MIPOL1: variants seen among roughly 807,000 people sequenced by gnomAD.
MIPOL1 encodes mirror-image polydactyly gene 1 protein.
In MIPOL1, 57 loss-of-function variants were observed where a neutral mutation model predicts 60.9. The observed-to-expected ratio is 0.94, with a 90% CI of 0.76 to 1.17. The LOEUF (loss-of-function observed/expected upper bound fraction) is 1.17. MIPOL1 is among the 50% of genes most tolerant of loss of function. The pLI is 0.00. For missense variants in MIPOL1, 551 were observed against 511.6 expected, an observed-to-expected ratio of 1.08 and a Z score of -0.74; for synonymous variants, 179 against 168.8, an observed-to-expected ratio of 1.06 and a Z score of -0.47.
Position 37,364,187 on chromosome 14 carries a change from G to T in MIPOL1, c.829-5330G>T, listed in dbSNP as rs1290738397. ...ATGAGATGAACTGGGTACTTTAGTT[G>T]GAAATGCAGAAATCACCAGTCTTCT... On this transcript the variant is annotated intron_variant, in intron 9 of 12. Transcript: ENST00000684589. Among the ~76,000 whole-genome samples, 7 of 152,340 alleles carry T rather than the reference G, an allele frequency of 4.6e-5. No individual in the cohort carries two copies. The East Asian group carries it at 1.4e-3, about 29-fold the overall frequency.
chr14:37,265,971 T>C (rs2082844358), intron 3 of MIPOL1, among the ~76,000 whole-genome samples: 1 of 152,162 alleles, frequency 6.6e-6, no homozygotes, highest in Non-Finnish European at 1.5e-5. Flanking sequence ...TATGGGTTCT[T>C]TAAAAATATT....
rs75731375 is a variant in MIPOL1 at position 37,236,742 on chromosome 14, A to G, written c.-198-10361A>G. ...TGTGAGCTACCACGCCTGGCCTCCA[A>G]ATTATTTGTGCACTCTGTTCCTTGT... is the stretch of plus-strand genomic sequence containing the variant. On this transcript the variant is annotated intron_variant, in intron 1 of 12. Transcript: ENST00000684589. 5.5e-3 allele frequency among the ~76,000 whole-genome samples: 843 copies of G among 152,062 alleles called. 9 individuals carry two copies. Among genetic ancestry groups the G allele is most frequent in the African/African-American group, 0.02 (820 of 41,482 alleles).
intron 3 of MIPOL1, among the ~76,000 whole-genome samples, chr14:37,258,243 A>T (rs1048909409): frequency 6.6e-6 from 1 of 152,090 alleles, no homozygotes; most frequent in Non-Finnish European, 1.5e-5. Flanking sequence ...TTTCCTCTTT[A>T]TTATTGGAAA....
intron 11 of MIPOL1, among the ~76,000 whole-genome samples, chr14:37,459,456 A>G (rs2094514557): frequency 6.6e-6 from 1 of 152,194 alleles, no homozygotes; most frequent in Non-Finnish European, 1.5e-5. Flanking sequence ...ACCTCCCCAG[A>G]TTGAACCACG....
At chr14:37,426,572 T>TATACATATATACATATAC (rs1555339858) in intron 11 of MIPOL1, among the ~76,000 whole-genome samples, 36 of 73,836 alleles carry the variant, frequency 4.9e-4, no homozygotes, top group African/African-American at 1.4e-3. Context: ...AAAATATACA[T>TATACATATATACATATAC]ATATATATAT....
chr14:37,336,988 C>G (rs1429155789), intron 9 of MIPOL1, among the ~76,000 whole-genome samples: 1 of 151,910 alleles, frequency 6.6e-6, no homozygotes, highest in East Asian at 1.9e-4. Context: ...GTATTAAACT[C>G]CTGACCTCAA....
chr14:37,527,781 A>G (rs2095456790), intron 12 of MIPOL1, among the ~76,000 whole-genome samples: 1 of 152,106 alleles, frequency 6.6e-6, no homozygotes, highest in East Asian at 1.9e-4. Flanking sequence ...ATCTTTGTAT[A>G]CCACATGTCC....
At chr14:37,435,576 A>G (rs944738876) in intron 11 of MIPOL1, among the ~76,000 whole-genome samples, 1 of 151,986 alleles carries the variant, frequency 6.6e-6, no homozygotes, top group Non-Finnish European at 1.5e-5. Context: ...TCTGATGCTC[A>G]ATAAGTGTTT....
At chr14:37,474,332 A>G (rs772164502) in intron 11 of MIPOL1, among the ~76,000 whole-genome samples, 2 of 152,162 alleles carry the variant, frequency 1.3e-5, no homozygotes, top group African/African-American at 2.4e-5. Flanking sequence ...CCCCACCCAA[A>G]TCTCATCCAG....
At chr14:37,445,258 C>A (rs1284973001) in intron 11 of MIPOL1, among the ~76,000 whole-genome samples, 4 of 152,242 alleles carry the variant, frequency 2.6e-5, no homozygotes. Context: ...GTACAAAAAT[C>A]ACAAGCATTC....
intron 7 of MIPOL1, among the ~76,000 whole-genome samples, chr14:37,302,065 C>A: frequency 7.3e-6 from 1 of 137,106 alleles, no homozygotes. Flanking sequence ...TCTAAGTATT[C>A]ACATACAGGT....
chr14:37,397,415 G>A (rs1324272813), intron 10 of MIPOL1, among the ~76,000 whole-genome samples: 1 of 152,126 alleles, frequency 6.6e-6, no homozygotes, highest in East Asian at 1.9e-4. Context: ...AATGGACTCT[G>A]TGAGGGTTTT....
rs5807951 is a variant in MIPOL1 at position 37,407,842 on chromosome 14, C to CTTTTTTTTTTTTTTTTTTTTTTTTT, written c.937-15011_937-15010insTTTTTTTTTTTTTTTTTTTTTTTTT. ...ATTTTTTCTTTTCTTTCTTCTTCTTCTTCTTTTTTTTTTTTTTTTTTTTTG... is the reference window on the plus strand; with the variant it reads ...ATTTTTTCTTTTCTTTCTTCTTCTTCTTTTTTTTTTTTTTTTTTTTTTTTTTTCTTTTTTTTTTTTTTTTTTTTTG... On this transcript the variant is annotated intron_variant, in intron 10 of 12. Transcript: ENST00000684589. Among the ~76,000 whole-genome samples, 8 of 58,054 alleles carry CTTTTTTTTTTTTTTTTTTTTTTTTT rather than the reference C, an allele frequency of 1.4e-4. 1 individual carries two copies. The highest frequency in any genetic ancestry group is 2.1e-4 in the Non-Finnish European group (7 of 32,894). 38.1% of individuals were successfully genotyped at this position (58,054 alleles called of 152,430 possible).
At chr14:37,510,317 G>A (rs2095317864) in intron 12 of MIPOL1, among the ~76,000 whole-genome samples, 1 of 152,014 alleles carries the variant, frequency 6.6e-6, no homozygotes. Flanking sequence ...CACAATCATG[G>A]CTCACTGCAG....
At chr14:37,520,341 T>C (rs979988262) in intron 12 of MIPOL1, among the ~76,000 whole-genome samples, 10 of 152,198 alleles carry the variant, frequency 6.6e-5, no homozygotes, top group African/African-American at 2.2e-4. Context: ...ATATATGACT[T>C]TTATGAAAGT....
chr14:37,363,524 C>G (rs2092360181), intron 9 of MIPOL1, among the ~76,000 whole-genome samples: 1 of 152,144 alleles, frequency 6.6e-6, no homozygotes, highest in African/African-American at 2.4e-5. Context: ...GAGGGGCATC[C>G]ACCTGTATGA....
At chr14:37,455,350 T>C (rs1476441652) in intron 11 of MIPOL1, among the ~76,000 whole-genome samples, 2 of 152,158 alleles carry the variant, frequency 1.3e-5, no homozygotes, top group Non-Finnish European at 2.9e-5. Flanking sequence ...TACACCTGAT[T>C]TTGTTCTCTT....
intron 12 of MIPOL1, among the ~76,000 whole-genome samples, chr14:37,543,408 T>A (rs1244412065): frequency 6.6e-6 from 1 of 152,096 alleles, no homozygotes; most frequent in East Asian, 1.9e-4. Flanking sequence ...CCCGAATAGC[T>A]GGGATTACAG....
At chr14:37,371,584 T>G (rs894281481) in intron 10 of MIPOL1, among the ~76,000 whole-genome samples, 10 of 152,126 alleles carry the variant, frequency 6.6e-5, no homozygotes, top group Non-Finnish European at 1.3e-4. Context: ...GAAGAATTAA[T>G]TTTTTAAAAC....
Sources: gnomAD v4.1 joint callset for allele counts (sites outside exome capture counted in the v4.1 genomes callset) on GRCh38, gnomAD v4.1.1 for gene constraint, MANE v1.5 for transcripts, NCBI Gene and HGNC (gene_info 2026-07-23, HGNC 2026-07-21) for gene names.